The following PCDHGA2 variants were observed in gnomAD, a reference collection of about 807,000 sequenced individuals.
The protein encoded by PCDHGA2 is protocadherin gamma-A2.
A neutral mutation model predicts 59.2 loss-of-function variants in PCDHGA2; 40 were observed. The observed-to-expected ratio is 0.68, with a 90% CI of 0.52 to 0.88. The LOEUF (loss-of-function observed/expected upper bound fraction) is 0.88. PCDHGA2 is among the 40% of genes least tolerant of loss of function. The pLI is 0.00. For missense variants in PCDHGA2, 1,226 were observed against 1,204.0 expected, an observed-to-expected ratio of 1.02 and a Z score of -0.27; for synonymous variants, 560 against 526.0, an observed-to-expected ratio of 1.06 and a Z score of -0.89.
chr5:141,414,649 AT>A (rs1410490912), intron 1 of PCDHGA2: 15 of 1,613,914 alleles, frequency 9.3e-6, no homozygotes, highest in Non-Finnish European at 1.3e-5. Context: ...TGCCCAGATT[AT>A]TTACTCCCTG....
intron 1 of PCDHGA2, chr5:141,383,744 G>A: frequency 1.2e-6 from 2 of 1,613,886 alleles, no homozygotes; most frequent in South Asian, 1.1e-5. Flanking sequence ...TATTCTTTTC[G>A]GAAAATAACT....
chr5:141,373,898 A>G (rs1039826496), intron 1 of PCDHGA2: 7 of 541,044 alleles, frequency 1.3e-5, no homozygotes, highest in African/African-American at 1.2e-4. Context: ...CTCAAGTTAC[A>G]TCCTCCAACA....
At chr5:141,355,001 G>C (rs1047101891) in intron 1 of PCDHGA2, 1 of 754,922 alleles carries the variant, frequency 1.3e-6, no homozygotes, top group Non-Finnish European at 1.9e-6. Context: ...AGGGGGAAAA[G>C]ACAAACCAGA....
intron 2 of PCDHGA2, among the ~76,000 whole-genome samples, chr5:141,504,713 G>A (rs1443171981): frequency 1.3e-5 from 2 of 151,850 alleles, no homozygotes; most frequent in African/African-American, 2.4e-5. Context: ...TATGGCCGTG[G>A]ATTTTACTCT....
At chr5:141,366,360 G>C in intron 1 of PCDHGA2, 4 of 1,614,024 alleles carry the variant, frequency 2.5e-6, no homozygotes, top group Non-Finnish European at 3.4e-6. Flanking sequence ...GACCTAGGCA[G>C]TATCAAGACC....
rs1289890545 is a variant in PCDHGA2, at chr5:141,414,874, C to T, written c.2424+73479C>T. ...CCAGAACGACAATGCGCCCGAGATC[C>T]TGTACCCCGCCCTCCCCACAGACGG... is the stretch of plus-strand genomic sequence containing the variant. On this transcript the variant is annotated intron_variant, in intron 1 of 3. Transcript: ENST00000394576. 3.7e-6 allele frequency: 6 copies of T among 1,614,136 alleles called. No individual in the cohort carries two copies. The African/African-American group carries it at 8.0e-5, about 22-fold the overall frequency.
At chr5:141,505,085 C>A (rs954289918) in intron 2 of PCDHGA2, among the ~76,000 whole-genome samples, 1 of 152,162 alleles carries the variant, frequency 6.6e-6, no homozygotes, top group Non-Finnish European at 1.5e-5. Context: ...TCGCTTGAAC[C>A]CAGGAGGTGG....
chr5:141,487,297 C>A lies in PCDHGA2; in HGVS notation c.2425-7510C>A. ...TTTGCTTTGTCTCCTTTGGCTCATT[C>A]GTGGCACTACTCTCTAAGTGTCTTC... is the stretch of plus-strand genomic sequence containing the variant. On this transcript the variant is annotated intron_variant, in intron 1 of 3. Transcript: ENST00000394576. This position sits in a 1 kb window ranked among gnomAD's most constrained non-coding sequence, Gnocchi z 5.0. 1 of 1,614,102 alleles carries A rather than the reference C, an allele frequency of 6.2e-7. No homozygotes were observed. The highest frequency in any genetic ancestry group is 8.5e-7 in the Non-Finnish European group (1 of 1,180,002).
intron 1 of PCDHGA2, chr5:141,415,868 G>A: frequency 9.2e-7 from 1 of 1,090,360 alleles, no homozygotes; most frequent in Non-Finnish European, 1.2e-6. Flanking sequence ...TTATAGTGTT[G>A]TTGAGTACAA....
rs1278686878 is a variant in PCDHGA2 at position 141,339,219 on chromosome 5, G to T, written c.248G>T (p.Ser83Ile). 6.2e-7 allele frequency: 1 copy of T among 1,614,172 alleles called. No individual in the cohort carries two copies. Among genetic ancestry groups the T allele is most frequent in the Non-Finnish European group, 8.5e-7 (1 of 1,179,988 alleles). ...QLFALNPRSGSLVTANRIDRE... is the reference protein window; with the variant it reads ...QLFALNPRSGILVTANRIDRE... ...TTTGCTCTGAACCCGCGAAGCGGCAGCTTGGTCACTGCGAACAGGATAGAC... is the reference window on the plus strand; with the variant it reads ...TTTGCTCTGAACCCGCGAAGCGGCATCTTGGTCACTGCGAACAGGATAGAC... The change falls in exon 1 of 4, where the codon AGC (serine) becomes ATC (isoleucine). Residue 83 changes from serine (S) to isoleucine (I), a missense_variant. Transcript: ENST00000394576.
intron 1 of PCDHGA2, among the ~76,000 whole-genome samples, chr5:141,465,505 G>A (rs905617997): frequency 6.6e-6 from 1 of 152,190 alleles, no homozygotes; most frequent in Non-Finnish European, 1.5e-5. Flanking sequence ...CATTGTCGTG[G>A]TCAGGAAGGA....
intron 1 of PCDHGA2, among the ~76,000 whole-genome samples, chr5:141,472,102 T>C (rs1231168102): frequency 6.6e-6 from 1 of 152,240 alleles, no homozygotes; most frequent in Non-Finnish European, 1.5e-5. Flanking sequence ...ATTCCCATTT[T>C]ATACATAAAG....
intron 1 of PCDHGA2, chr5:141,413,192 A>G: frequency 1.2e-6 from 2 of 1,607,816 alleles, no homozygotes; most frequent in South Asian, 2.2e-5. Context: ...GCTCAAAGGA[A>G]TCGCTCAAAG....
intron 1 of PCDHGA2, chr5:141,361,391 A>G: frequency 6.2e-7 from 1 of 1,613,912 alleles, no homozygotes; most frequent in Non-Finnish European, 8.5e-7. Context: ...CCAGAATACA[A>G]TCTCACCATC....
chr5:141,416,120 A>C (rs2095996372), intron 1 of PCDHGA2: 1 of 155,288 alleles, frequency 6.4e-6, no homozygotes, highest in African/African-American at 2.4e-5. Context: ...ACTACATTTT[A>C]TATATTTTTC....
intron 1 of PCDHGA2, chr5:141,362,266 A>G (rs1180216273): frequency 1.2e-6 from 2 of 1,613,342 alleles, no homozygotes; most frequent in Non-Finnish European, 1.7e-6. Context: ...GATTCTGGCA[A>G]TCTCCCTGCG....
chr5:141,359,315 A>G (rs1471429370), intron 1 of PCDHGA2, among the ~76,000 whole-genome samples: 3 of 152,178 alleles, frequency 2.0e-5, no homozygotes, highest in Non-Finnish European at 2.9e-5. Context: ...AGGTGTTGGC[A>G]TTAGGAATAT....
chr5:141,452,929 G>A (rs2154564099), intron 1 of PCDHGA2, among the ~76,000 whole-genome samples: 1 of 152,310 alleles, frequency 6.6e-6, no homozygotes, highest in Admixed American at 6.5e-5. Flanking sequence ...AAGAGCTGCT[G>A]AAGATTTGCT....
chr5:141,468,860 C>A (rs941902317), intron 1 of PCDHGA2, among the ~76,000 whole-genome samples: 16 of 151,980 alleles, frequency 1.1e-4, no homozygotes, highest in Admixed American at 4.6e-4. Context: ...AGCGAGACTC[C>A]ATCTCAAAAA....
Sources: gnomAD v4.1 joint callset for allele counts (sites outside exome capture counted in the v4.1 genomes callset) on GRCh38, gnomAD v4.1.1 for gene constraint, Gnocchi (gnomAD v3.1) non-coding constraint, MANE v1.5 for transcripts, NCBI Gene and HGNC (gene_info 2026-07-23, HGNC 2026-07-21) for gene names.